Variants in SVEP1 observed in about 807,000 individuals in gnomAD.
SVEP1 encodes sushi, von Willebrand factor type A, EGF and pentraxin domain-containing protein 1.
A neutral mutation model predicts 367.3 loss-of-function variants in SVEP1; 164 were observed. The observed-to-expected ratio is 0.45, with a 90% CI of 0.39 to 0.51. SVEP1 has a LOEUF of 0.51. Ranked by LOEUF, SVEP1 falls within the 20% of genes least tolerant of loss-of-function variation. The pLI, the probability that SVEP1 is intolerant of heterozygous loss-of-function variation, is 0.00. For synonymous variants in SVEP1, 1,666 were observed against 1,611.6 expected, an observed-to-expected ratio of 1.03 and a Z score of -0.81; for missense variants, 4,117 against 4,425.3, an observed-to-expected ratio of 0.93 and a Z score of 1.98.
intron 40 of SVEP1, among the ~76,000 whole-genome samples, chr9:110,392,248 AT>A (rs2118977521): frequency 6.6e-6 from 1 of 150,650 alleles, no homozygotes; most frequent in African/African-American, 2.5e-5. Context: ...TTCCTTCTCT[AT>A]TTACTCCCCT....
intron 23 of SVEP1, among the ~76,000 whole-genome samples, chr9:110,450,642 G>A (rs1828679409): frequency 6.6e-6 from 1 of 150,446 alleles, no homozygotes; most frequent in Non-Finnish European, 1.5e-5. Flanking sequence ...GCTAATTTTT[G>A]TATTTTTTTT....
intron 36 of SVEP1, among the ~76,000 whole-genome samples, chr9:110,415,167 G>A (rs532972987): frequency 6.6e-6 from 1 of 152,156 alleles, no homozygotes; most frequent in Admixed American, 6.5e-5. Flanking sequence ...ACACAGAAAT[G>A]AGACTTCTTG....
chr9:110,532,281 G>C (rs545350542), intron 3 of SVEP1, among the ~76,000 whole-genome samples: 12 of 152,150 alleles, frequency 7.9e-5, no homozygotes, highest in African/African-American at 2.9e-4. Flanking sequence ...AATACCATAT[G>C]GTAAGTGTGA....
chr9:110,546,598 G>A (rs1175935189), intron 2 of SVEP1, among the ~76,000 whole-genome samples: 1 of 152,174 alleles, frequency 6.6e-6, no homozygotes, highest in Admixed American at 6.5e-5. Context: ...AAACAGTGCA[G>A]TCAGTTCTGC....
intron 44 of SVEP1, 52 bp downstream of exon 44, chr9:110,379,295 A>G: frequency 8.2e-6 from 13 of 1,582,816 alleles, no homozygotes; most frequent in Non-Finnish European, 1.1e-5. Flanking sequence ...AGATTTCTAT[A>G]CACATTTCCC....
chr9:110,465,892 C>T lies in SVEP1; in HGVS notation c.3295G>A (p.Gly1099Arg), dbSNP rs752840909. Residue 1099 changes from glycine to arginine, a missense_variant, in exon 18 of 48, where the codon GGA (glycine) becomes AGA (arginine). Gly to Arg is a moderately radical substitution (Grantham distance 125, BLOSUM62 -2). Transcript: ENST00000374469. ...CCACATGCAGAAATGTTCACGGCTC[C>T]TCTTTTCACAGTTGAGGTGTTTTCT... is the stretch of plus-strand genomic sequence containing the variant. Reference protein sequence around the residue: ...CPENTSTVKRGAVNISACGVP... With the variant: ...CPENTSTVKRRAVNISACGVP... 1.9e-5 allele frequency: 31 copies of T among 1,612,946 alleles called. No homozygotes were observed. In the East Asian group the frequency reaches 6.5e-4, roughly 34 times the overall value.
At chr9:110,367,714 C>T (rs2118931155) in intron 47 of SVEP1, among the ~76,000 whole-genome samples, 1 of 152,208 alleles carries the variant, frequency 6.6e-6, no homozygotes, top group African/African-American at 2.4e-5. Context: ...CAATCAGAGT[C>T]CTGGATTTTT....
intron 1 of SVEP1, among the ~76,000 whole-genome samples, chr9:110,557,171 T>C (rs1161447562): frequency 1.3e-5 from 2 of 152,242 alleles, no homozygotes; most frequent in Non-Finnish European, 2.9e-5. Flanking sequence ...CATTGTTTTC[T>C]GGACTTCATA....
At chr9:110,504,957 C>T (rs902541167) in intron 5 of SVEP1, among the ~76,000 whole-genome samples, 4 of 152,272 alleles carry the variant, frequency 2.6e-5, no homozygotes, top group Non-Finnish European at 5.9e-5. Flanking sequence ...GCAGGCACAA[C>T]TTGTGACATG....
Position 110,427,632 on chromosome 9 carries a change from G to C in SVEP1, c.5934C>G (p.Asn1978Lys). The C allele has an allele frequency of 1.2e-6, 2 of 1,613,874 alleles. No individual in the cohort carries two copies. Among genetic ancestry groups the C allele is most frequent in the African/African-American group, 1.3e-5 (1 of 75,032 alleles). The change falls in exon 36 of 48, where the codon AAC becomes AAG. Residue 1978 changes from asparagine (N) to lysine (K), a missense_variant. Transcript: ENST00000374469. ...AAGTGACGGTGTTCCTGAAAGTGAA[G>C]TTATTCCCCGTAATGACAGCATCTT... ...AIKDAVITGN[N>K]FTFRNTVTYT... is the part of the protein sequence containing the mutation.
intron 43 of SVEP1, among the ~76,000 whole-genome samples, chr9:110,382,063 T>C (rs977298583): frequency 1.3e-5 from 2 of 152,160 alleles, no homozygotes; most frequent in Non-Finnish European, 2.9e-5. Flanking sequence ...AAGTGGGGCA[T>C]TTAGCTCATT....
At chr9:110,548,263 A>G (rs2118847359) in intron 2 of SVEP1, among the ~76,000 whole-genome samples, 1 of 152,284 alleles carries the variant, frequency 6.6e-6, no homozygotes, top group Admixed American at 6.5e-5. Context: ...TGTGATACAT[A>G]TAATAATAGT....
intron 1 of SVEP1, among the ~76,000 whole-genome samples, chr9:110,562,033 C>A (rs1438473796): frequency 6.6e-6 from 1 of 151,990 alleles, no homozygotes; most frequent in Non-Finnish European, 1.5e-5. Context: ...AGTTATTAAA[C>A]ATGGATACAA....
chr9:110,400,959 A>C lies in SVEP1; in HGVS notation c.9717T>G (p.Val3239=), dbSNP rs1410048. 188,679 of 1,613,732 alleles carry C rather than the reference A, an allele frequency of 0.12. 11,893 individuals are homozygous for C. Among genetic ancestry groups the C allele is most frequent in the Admixed American group, 0.18 (10,799 of 59,964 alleles). ...CTGGACTTTCAGGTTTCCCACAAGA[A>C]ACTGGACTGCAAGATTCATCGGAGA... is the stretch of plus-strand genomic sequence containing the variant. The part of the protein sequence containing the change: ...PPFSDESCSP[V]SCGKPESPEH... The change falls in exon 40 of 48, where the codon GTT becomes GTG. Residue 3239 remains valine, a synonymous_variant. Transcript: ENST00000374469.
At chr9:110,532,820 A>T (rs1414637692) in intron 3 of SVEP1, among the ~76,000 whole-genome samples, 1 of 152,000 alleles carries the variant, frequency 6.6e-6, no homozygotes, top group Non-Finnish European at 1.5e-5. Context: ...CAGCTATGAC[A>T]ACCAAAGTTT....
chr9:110,539,249 G>T (rs550811242), intron 3 of SVEP1, among the ~76,000 whole-genome samples: 1 of 152,154 alleles, frequency 6.6e-6, no homozygotes, highest in Admixed American at 6.6e-5. Flanking sequence ...TAGGTGTGAT[G>T]GGAAAGGGAG....
At chr9:110,378,004 A>T (rs1046350385) in intron 44 of SVEP1, among the ~76,000 whole-genome samples, 1 of 152,190 alleles carries the variant, frequency 6.6e-6, no homozygotes, top group Non-Finnish European at 1.5e-5. Flanking sequence ...ATGTAGCATG[A>T]TGTCCTCCAG....
chr9:110,527,081 G>C (rs926557290), intron 3 of SVEP1, among the ~76,000 whole-genome samples: 1 of 152,060 alleles, frequency 6.6e-6, no homozygotes, highest in African/African-American at 2.4e-5. Context: ...AGCAACAAAA[G>C]GATTATTGTG....
At chr9:110,412,795 C>T (rs994078490) in intron 36 of SVEP1, among the ~76,000 whole-genome samples, 1 of 152,204 alleles carries the variant, frequency 6.6e-6, no homozygotes, top group African/African-American at 2.4e-5. Context: ...AAGAAATGCT[C>T]ATCATCACTG....
Sources: allele counts gnomAD v4.1 joint callset (sites outside exome capture counted in the v4.1 genomes callset), GRCh38; gene constraint gnomAD v4.1.1; transcripts MANE v1.5; gene names NCBI Gene and HGNC (gene_info 2026-07-23, HGNC 2026-07-21).